The following PTRHD1 variants were observed in gnomAD, a reference collection of about 807,000 sequenced individuals.
PTRHD1 encodes the protein peptidyl-tRNA hydrolase domain containing 1.
In PTRHD1, 12 loss-of-function variants were observed where a neutral mutation model predicts 13.6. The observed-to-expected ratio is 0.88, with a 90% CI of 0.57 to 1.43. PTRHD1 has a LOEUF of 1.43. PTRHD1 is among the 40% of genes most tolerant of loss of function. The pLI is 0.00. For synonymous variants in PTRHD1, 86 were observed against 79.5 expected (o/e 1.08, Z -0.43); for missense variants, 203 against 184.7 (o/e 1.10, Z -0.57).
At position 24,793,232 on chromosome 2, in the gene PTRHD1, G is replaced by T; in HGVS notation, c.146C>A (p.Ala49Glu). Residue 49 changes from alanine to glutamate, a missense_variant, in exon 1 of 2, where the codon GCG (alanine) becomes GAG (glutamate). Physicochemically the swap from Ala to Glu is moderately radical, Grantham distance 107. Coordinates refer to ENST00000328379, the MANE Select transcript of PTRHD1 (RefSeq NM_001013663.2). Reference protein sequence around the residue: ...PFSWPAGALVAQACHAATAAL... With the variant: ...PFSWPAGALVEQACHAATAAL... Reference sequence around the variant, plus strand: ...CGCGGTGGCCGCGTGACAAGCCTGCGCTACCAGTGCGCCCGCCGGCCAGGA... The same window carrying T: ...CGCGGTGGCCGCGTGACAAGCCTGCTCTACCAGTGCGCCCGCCGGCCAGGA... The T allele has an allele frequency of 6.2e-7, 1 of 1,613,434 alleles. No individual in the cohort carries two copies. The highest frequency in any genetic ancestry group is 8.5e-7 in the Non-Finnish European group (1 of 1,180,020).
intron 1 of PTRHD1, 83 bp downstream of exon 1, chr2:24,793,043 C>G: frequency 1.3e-6 from 2 of 1,482,566 alleles, no homozygotes; most frequent in Non-Finnish European, 1.8e-6. Flanking sequence ...ACCCACTCCC[C>G]GCAGCCAGGC....
chr2:24,793,050 AGGCCTTC>A, intron 1 of PTRHD1, 69 bp downstream of exon 1: 1 of 1,496,934 alleles, frequency 6.7e-7, no homozygotes, highest in Non-Finnish European at 9.0e-7. Flanking sequence ...CCCCGCAGCC[AGGCCTTC>A]GGACCGAAGA....
In PTRHD1 at chr2:24,793,343, A is replaced by G; in HGVS notation, c.35T>C (p.Val12Ala). 2 of 1,613,702 alleles carry G rather than the reference A, an allele frequency of 1.2e-6. No homozygotes were observed. Among genetic ancestry groups the G allele is most frequent in the Non-Finnish European group, 1.7e-6 (2 of 1,180,014 alleles). ...HRGVGPAFRV[V>A]RKMAASGAEP... ...CGCCCCAGAGGCCGCCATCTTCCTG[A>G]CCACCCGAAAGGCCGGACCTACTCC... Residue 12 changes from valine to alanine, a missense_variant, in exon 1 of 2, where the codon GTC becomes GCC. Coordinates refer to ENST00000328379, the MANE Select transcript of PTRHD1 (RefSeq NM_001013663.2).
At chr2:24,792,423 T>C (rs1056233611) in intron 1 of PTRHD1, 3 of 152,258 alleles carry the variant, frequency 2.0e-5, no homozygotes, top group Non-Finnish European at 4.4e-5. Context: ...CTTTAGTTTT[T>C]CCTTTCAAAG....
At chr2:24,790,679 G>T in intron 1 of PTRHD1, 98 bp from the exon 2 acceptor site, 1 of 1,100,310 alleles carries the variant, frequency 9.1e-7, no homozygotes, top group Non-Finnish European at 1.3e-6. Flanking sequence ...TGAAAGTGGA[G>T]TAACAGCTTT....
At chr2:24,793,087 C>G (rs1189011181) in intron 1 of PTRHD1, 39 bp downstream of exon 1, 1 of 1,592,382 alleles carries the variant, frequency 6.3e-7, no homozygotes, top group East Asian at 2.3e-5. Context: ...CTTCCGCCCT[C>G]GATGTCTCAG....
Position 24,790,277 on chromosome 2 carries a change from C to T in PTRHD1, c.*134G>A, listed in dbSNP as rs1350526439. On this transcript the variant is annotated 3_prime_UTR_variant, in exon 2 of 2. Coordinates refer to ENST00000328379, the MANE Select transcript of PTRHD1 (RefSeq NM_001013663.2). ...AATAAGAGGAAGTAGTTATTAATGA[C>T]AACTTTAATATGAACATGTGCTTAA... 16 of 1,003,814 alleles carry T rather than the reference C, an allele frequency of 1.6e-5. No homozygotes were observed. The highest frequency in any genetic ancestry group is 2.2e-5 in the Non-Finnish European group (15 of 693,402). The allele number at this position is 1,003,814 out of a possible 1,614,324, so 62.2% of individuals were successfully genotyped here.
chr2:24,790,795 G>A (rs1275590976), intron 1 of PTRHD1, among the ~76,000 whole-genome samples: 1 of 152,192 alleles, frequency 6.6e-6, no homozygotes, highest in East Asian at 1.9e-4. Flanking sequence ...ATCTTCCCTT[G>A]TGAGATGTTG....
rs762907811 is a variant in PTRHD1, at chr2:24,793,344, C to T, written c.34G>A (p.Val12Ile). The change falls in exon 1 of 2, where the codon GTC becomes ATC. Residue 12 changes from valine (V) to isoleucine (I), a missense_variant. By Grantham distance (29) the Val-to-Ile change is conservative. Coordinates refer to ENST00000328379, the MANE Select transcript of PTRHD1 (RefSeq NM_001013663.2). ...GCCCCAGAGGCCGCCATCTTCCTGA[C>T]CACCCGAAAGGCCGGACCTACTCCC... is the stretch of plus-strand genomic sequence containing the variant. ...HRGVGPAFRV[V>I]RKMAASGAEP... The T allele has an allele frequency of 2.5e-6, 4 of 1,613,792 alleles. No individual in the cohort carries two copies. The South Asian group carries it at 4.4e-5, about 18-fold the overall frequency.
chr2:24,790,168 C>A lies in PTRHD1; in HGVS notation c.*243G>T. The A allele has an allele frequency of 2.3e-6, 1 of 436,042 alleles. No homozygotes were observed. Among genetic ancestry groups the A allele is most frequent in the Non-Finnish European group, 4.0e-6 (1 of 247,148 alleles). The allele number at this position is 436,042 out of a possible 1,614,324, so 27.0% of individuals were successfully genotyped here. On this transcript the variant is annotated 3_prime_UTR_variant, in exon 2 of 2. Transcript: ENST00000328379. The stretch of plus-strand genomic sequence containing the variant: ...ACTGGAAGGGAGTTTCCTTGAGCCC[C>A]ACAGGAGAGTCTAACCAAATCTTCT...
In PTRHD1 at chr2:24,793,176, T is replaced by C. The variant is rs773928181; in HGVS notation, c.202A>G (p.Thr68Ala). 21 of 1,613,438 alleles carry C rather than the reference T, an allele frequency of 1.3e-5. No homozygotes were observed. In the South Asian group the frequency reaches 2.3e-4, roughly 18 times the overall value. ...ALHTHRDHPH[T>A]AAYLQELGRM... ...CCCAGCTCTTGGAGGTAAGCGGCTGTGTGCGGGTGGTCGCGGTGAGTGTGC... is the reference window on the plus strand; with the variant it reads ...CCCAGCTCTTGGAGGTAAGCGGCTGCGTGCGGGTGGTCGCGGTGAGTGTGC... The change falls in exon 1 of 2, where the codon ACA (threonine) becomes GCA (alanine). Residue 68 changes from threonine (T) to alanine (A), a missense_variant. Transcript: ENST00000328379.
At position 24,793,367 on chromosome 2, in the gene PTRHD1, C is replaced by A. The variant is rs764297277; in HGVS notation, c.11G>T (p.Gly4Val). 1.9e-6 allele frequency: 3 copies of A among 1,613,514 alleles called. No homozygotes were observed. Among genetic ancestry groups the A allele is most frequent in the South Asian group, 1.1e-5 (1 of 91,078 alleles). Residue 4 changes from glycine to valine, a missense_variant, in exon 1 of 2, where the codon GGA becomes GTA. Gly to Val is a moderately radical substitution (Grantham distance 109, BLOSUM62 -3). Coordinates refer to ENST00000328379, the MANE Select transcript of PTRHD1 (RefSeq NM_001013663.2). MHR[G>V]VGPAFRVVRK... ...GACCACCCGAAAGGCCGGACCTACTCCCCGGTGCATCTTGGGATCAGGGCG... is the reference window on the plus strand; with the variant it reads ...GACCACCCGAAAGGCCGGACCTACTACCCGGTGCATCTTGGGATCAGGGCG...
Position 24,793,284 on chromosome 2 carries a change from G to A in PTRHD1, c.94C>T (p.Arg32Ter), listed in dbSNP as rs756316006. 1 of 1,613,964 alleles carries A rather than the reference G, an allele frequency of 6.2e-7. No individual in the cohort carries two copies. The highest frequency in any genetic ancestry group is 8.5e-7 in the Non-Finnish European group (1 of 1,180,046). ...PQVLVQYLVLRKDLSQAPFSW... is the reference protein window; with the variant it reads ...PQVLVQYLVL ...AACGGAGCTTGTGATAGATCCTTTC[G>A]TAACACCAAGTATTGTACCAGGACC... The change falls in exon 1 of 2, where the codon CGA (arginine) becomes TGA (stop). Residue 32 changes from arginine to a stop codon, truncating the protein, a stop_gained. Transcript: ENST00000328379. LOFTEE classifies it high-confidence loss of function.
rs1665691311 is a variant in PTRHD1 at position 24,793,311 on chromosome 2, G to T, written c.67C>A (p.Gln23Lys). The T allele has an allele frequency of 6.2e-7, 1 of 1,613,902 alleles. No homozygotes were observed. Among genetic ancestry groups the T allele is most frequent in the Non-Finnish European group, 8.5e-7 (1 of 1,180,038 alleles). The change falls in exon 1 of 2, where the codon CAG (glutamine) becomes AAG (lysine). Residue 23 changes from glutamine (Q) to lysine (K), a missense_variant. Coordinates refer to ENST00000328379, the MANE Select transcript of PTRHD1 (RefSeq NM_001013663.2). ...RKMAASGAEP[Q>K]VLVQYLVLRK... ...AACACCAAGTATTGTACCAGGACCT[G>T]CGGCTCCGCCCCAGAGGCCGCCATC...
In PTRHD1 at chr2:24,793,319, G is replaced by A. The variant is rs1269682174; in HGVS notation, c.59C>T (p.Ala20Val). ...GTATTGTACCAGGACCTGCGGCTCC[G>A]CCCCAGAGGCCGCCATCTTCCTGAC... ...RVVRKMAASGAEPQVLVQYLV... is the reference protein window; with the variant it reads ...RVVRKMAASGVEPQVLVQYLV... The change falls in exon 1 of 2, where the codon GCG becomes GTG. Residue 20 changes from alanine to valine, a missense_variant. Ala to Val is a moderately conservative substitution (Grantham distance 64). Transcript: ENST00000328379. 1.2e-6 allele frequency: 2 copies of A among 1,613,748 alleles called. No individual in the cohort carries two copies. Among genetic ancestry groups the A allele is most frequent in the Non-Finnish European group, 1.7e-6 (2 of 1,180,052 alleles).
rs1462161429 is a variant in PTRHD1 at position 24,793,295 on chromosome 2, T to C, written c.83A>G (p.Tyr28Cys). The C allele has an allele frequency of 2.5e-6, 4 of 1,613,854 alleles. No homozygotes were observed. The highest frequency in any genetic ancestry group is 2.2e-5 in the South Asian group (2 of 91,080). ...SGAEPQVLVQYLVLRKDLSQA... is the reference protein window; with the variant it reads ...SGAEPQVLVQCLVLRKDLSQA... ...TGATAGATCCTTTCGTAACACCAAGTATTGTACCAGGACCTGCGGCTCCGC... is the reference window on the plus strand; with the variant it reads ...TGATAGATCCTTTCGTAACACCAAGCATTGTACCAGGACCTGCGGCTCCGC... Residue 28 changes from tyrosine (Y) to cysteine (C), a missense_variant, in exon 1 of 2, where the codon TAC (tyrosine) becomes TGC (cysteine). Transcript: ENST00000328379.
At position 24,793,373 on chromosome 2, in the gene PTRHD1, T is replaced by A; in HGVS notation, c.5A>T (p.His2Leu). The change falls in exon 1 of 2, where the codon CAC becomes CTC. Residue 2 changes from histidine to leucine, a missense_variant. Coordinates refer to ENST00000328379, the MANE Select transcript of PTRHD1 (RefSeq NM_001013663.2). M[H>L]RGVGPAFRVV... ...CCGAAAGGCCGGACCTACTCCCCGG[T>A]GCATCTTGGGATCAGGGCGGGGCCC... The A allele has an allele frequency of 6.2e-7, 1 of 1,613,370 alleles. No homozygotes were observed. Among genetic ancestry groups the A allele is most frequent in the Non-Finnish European group, 8.5e-7 (1 of 1,179,838 alleles).
At chr2:24,791,006 T>C (rs1331609365) in intron 1 of PTRHD1, among the ~76,000 whole-genome samples, 1 of 151,682 alleles carries the variant, frequency 6.6e-6, no homozygotes. Context: ...CTCACTGCAG[T>C]CTCTGGCTCC....
intron 1 of PTRHD1, among the ~76,000 whole-genome samples, chr2:24,792,009 C>A (rs1400511642): frequency 6.6e-6 from 1 of 152,190 alleles, no homozygotes; most frequent in Non-Finnish European, 1.5e-5. Flanking sequence ...TCCCTGTAGG[C>A]TTCAGAGAGT....
Sources: gnomAD v4.1 joint callset for allele counts (sites outside exome capture counted in the v4.1 genomes callset) on GRCh38, gnomAD v4.1.1 for gene constraint, MANE v1.5 for transcripts, NCBI Gene and HGNC (gene_info 2026-07-23, HGNC 2026-07-21) for gene names.